Variants in CWF19L2 observed in about 807,000 individuals in gnomAD.
CWF19L2 encodes CWF19-like protein 2.
CWF19L2 carries 98 observed loss-of-function variants against 111.7 expected under a neutral mutation model. The ratio of observed to expected loss-of-function variants is 0.88; its 90% CI spans 0.75 to 1.04. CWF19L2 has a LOEUF of 1.04. Ranked by LOEUF, CWF19L2 falls within the 50% of genes least tolerant of loss-of-function variation. The pLI, the probability that CWF19L2 is intolerant of heterozygous loss-of-function variation, is 0.00. For missense variants in CWF19L2, 1,101 were observed against 1,051.4 expected (o/e 1.05, Z -0.65); for synonymous variants, 351 against 342.9 (o/e 1.02, Z -0.26).
chr11:107,358,281 T>G (rs918882461), intron 12 of CWF19L2, among the ~76,000 whole-genome samples: 3 of 151,464 alleles, frequency 2.0e-5, no homozygotes, highest in African/African-American at 7.3e-5. Context: ...TGGGCCACAT[T>G]GGAAGAAGAA....
At chr11:107,348,078 C>G (rs1860107208) in intron 14 of CWF19L2, among the ~76,000 whole-genome samples, 1 of 152,072 alleles carries the variant, frequency 6.6e-6, no homozygotes, top group Admixed American at 6.6e-5. Flanking sequence ...GTTGCAGATG[C>G]AATAAAACAA....
intron 14 of CWF19L2, among the ~76,000 whole-genome samples, chr11:107,344,283 T>C (rs931739733): frequency 2.0e-5 from 3 of 152,236 alleles, no homozygotes; most frequent in African/African-American, 7.2e-5. Flanking sequence ...GCTTCTGTCA[T>C]CATACTGGCT....
intron 12 of CWF19L2, among the ~76,000 whole-genome samples, chr11:107,387,662 T>TA: frequency 6.6e-6 from 1 of 152,020 alleles, no homozygotes; most frequent in East Asian, 1.9e-4. Flanking sequence ...ATGAAACTAT[T>TA]ACACCTCAGA....
At chr11:107,404,181 T>C in intron 10 of CWF19L2, 9 of 776,292 alleles carry the variant, frequency 1.2e-5, no homozygotes, top group Admixed American at 1.0e-4. Context: ...AAGCAAGGTA[T>C]GTGGGGGAAT....
chr11:107,369,715 G>C (rs1860481884), intron 12 of CWF19L2, among the ~76,000 whole-genome samples: 2 of 137,990 alleles, frequency 1.4e-5, no homozygotes, highest in Admixed American at 7.1e-5. Context: ...CAAAGAAAAT[G>C]ATTCCAACAA....
intron 12 of CWF19L2, among the ~76,000 whole-genome samples, chr11:107,379,444 A>G (rs1337272942): frequency 6.6e-6 from 1 of 152,254 alleles, no homozygotes; most frequent in Admixed American, 6.5e-5. Flanking sequence ...CAAAATATCA[A>G]TAGCGCTAAG....
intron 16 of CWF19L2, among the ~76,000 whole-genome samples, chr11:107,332,468 A>G (rs1464876714): frequency 6.6e-6 from 1 of 152,126 alleles, no homozygotes; most frequent in Non-Finnish European, 1.5e-5. Context: ...TTCATACAGC[A>G]AAGAAAAACA....
At chr11:107,345,579 T>C in intron 14 of CWF19L2, 2 of 417,544 alleles carry the variant, frequency 4.8e-6, no homozygotes, top group South Asian at 3.7e-5. Context: ...CAAGAATGGT[T>C]CTGTATTATA....
intron 10 of CWF19L2, among the ~76,000 whole-genome samples, chr11:107,410,023 A>G (rs1430187446): frequency 1.3e-5 from 2 of 152,140 alleles, no homozygotes; most frequent in Non-Finnish European, 2.9e-5. Context: ...AATAATTAAT[A>G]GTGCTGATGG....
At chr11:107,348,807 T>C (rs1227631921) in intron 14 of CWF19L2, 130 bp downstream of exon 14, 1 of 512,120 alleles carries the variant, frequency 2.0e-6, no homozygotes, top group East Asian at 3.1e-5. Context: ...TATACAACTA[T>C]GAAAACACAC....
chr11:107,441,771 A>G, intron 4 of CWF19L2, 149 bp from the exon 5 acceptor site: 1 of 681,200 alleles, frequency 1.5e-6, no homozygotes, highest in Non-Finnish European at 2.2e-6. Context: ...TATAACTTGA[A>G]GCAAGCTTCT....
intron 15 of CWF19L2, among the ~76,000 whole-genome samples, 162 bp from the exon 16 acceptor site, chr11:107,335,123 C>T (rs919318201): frequency 1.3e-5 from 2 of 152,132 alleles, no homozygotes; most frequent in African/African-American, 4.8e-5. Context: ...ATAAGAACTT[C>T]TTAAATTTTT....
At chr11:107,440,777 A>C (rs1000752508) in intron 5 of CWF19L2, among the ~76,000 whole-genome samples, 1 of 152,258 alleles carries the variant, frequency 6.6e-6, no homozygotes, top group Non-Finnish European at 1.5e-5. Flanking sequence ...AGCAGCTCCC[A>C]GTACAAGAAA....
intron 14 of CWF19L2, among the ~76,000 whole-genome samples, chr11:107,347,471 T>C (rs1860096790): frequency 6.6e-6 from 1 of 152,184 alleles, no homozygotes; most frequent in Non-Finnish European, 1.5e-5. Context: ...CTCATCAAGC[T>C]AGGATTCAAA....
chr11:107,354,246 C>T (rs569813518), intron 12 of CWF19L2, among the ~76,000 whole-genome samples: 26 of 152,134 alleles, frequency 1.7e-4, no homozygotes, highest in African/African-American at 5.5e-4. Flanking sequence ...TATGAGAGTT[C>T]TATACTGTGT....
intron 12 of CWF19L2, among the ~76,000 whole-genome samples, chr11:107,387,980 T>C (rs559294052): frequency 1.2e-3 from 186 of 152,180 alleles, no homozygotes; most frequent in Non-Finnish European, 1.8e-3. Context: ...GTCACACTTG[T>C]CTTTTTGCAG....
intron 3 of CWF19L2, among the ~76,000 whole-genome samples, chr11:107,446,237 T>C (rs1861700699): frequency 6.6e-6 from 1 of 152,240 alleles, no homozygotes; most frequent in African/African-American, 2.4e-5. Flanking sequence ...TATTAATTCT[T>C]ACAGTTTCAT....
chr11:107,358,003 A>G (rs1315024426), intron 12 of CWF19L2, among the ~76,000 whole-genome samples: 1 of 152,176 alleles, frequency 6.6e-6, no homozygotes, highest in Non-Finnish European at 1.5e-5. Flanking sequence ...TACAAAATCA[A>G]TTTGGCGCAC....
At chr11:107,355,848 C>A (rs80318752) in intron 12 of CWF19L2, among the ~76,000 whole-genome samples, 1 of 152,176 alleles carries the variant, frequency 6.6e-6, no homozygotes, top group Admixed American at 6.5e-5. Flanking sequence ...GCAATAGCTA[C>A]GTCGAAGACT....
Sources: allele counts gnomAD v4.1 joint callset (sites outside exome capture counted in the v4.1 genomes callset), GRCh38; gene constraint gnomAD v4.1.1; transcripts MANE v1.5; gene names NCBI Gene and HGNC (gene_info 2026-07-23, HGNC 2026-07-21).